STK11: variants seen among roughly 807,000 people sequenced by gnomAD.
The protein encoded by STK11 is serine/threonine-protein kinase STK11.
A neutral mutation model predicts 47.3 loss-of-function variants in STK11; 8 were observed. That is an observed-to-expected ratio of 0.17 (90% CI 0.10 to 0.31). The LOEUF (loss-of-function observed/expected upper bound fraction) is 0.31, where lower values mean the gene tolerates loss of function less well. Ranked by LOEUF, STK11 falls within the 10% of genes least tolerant of loss-of-function variation. STK11 has a pLI of 1.00. For missense variants in STK11, 475 were observed against 605.0 expected (o/e 0.79, Z 2.25); for synonymous variants, 330 against 255.8 (o/e 1.29, Z -2.77).
In STK11 at chr19:1,227,930, G is replaced by T; in HGVS notation, c.*354G>T. 9.3e-7 allele frequency: 1 copy of T among 1,070,202 alleles called. No homozygotes were observed. The highest frequency in any genetic ancestry group is 1.1e-6 in the Non-Finnish European group (1 of 882,252). The allele number at this position is 1,070,202 out of a possible 1,614,324, so 66.3% of individuals were successfully genotyped here. ...CTCCGCAGGGCGCCCAGCGCCGTCC[G>T]GCGGCCCCGCCGCAGACCAGCTGGC... On this transcript the variant is annotated 3_prime_UTR_variant, in exon 10 of 10. Coordinates refer to ENST00000326873, the MANE Select transcript of STK11 (RefSeq NM_000455.5).
At chr19:1,223,271 C>G in intron 8 of STK11, 99 bp downstream of exon 8, 1 of 1,379,274 alleles carries the variant, frequency 7.3e-7, no homozygotes, top group Non-Finnish European at 9.9e-7. Flanking sequence ...CAGCTTCTGC[C>G]CTCTGGTGGC....
At chr19:1,211,468 G>T (rs1215302235) in intron 1 of STK11, among the ~76,000 whole-genome samples, 2 of 152,122 alleles carry the variant, frequency 1.3e-5, no homozygotes, top group South Asian at 2.1e-4. Flanking sequence ...TCTGGGGGGG[G>T]GGGTGCAGGC....
chr19:1,220,224 C>T lies in STK11; in HGVS notation c.465-149C>T. ...GGCGCAGGTGTGGCTCCCTGCTGGA[C>T]CTAGCCTTTCCTCTGTCCTGTGTGC... On this transcript the variant is annotated intron_variant, in intron 3 of 9. Transcript: ENST00000326873. 9.1e-6 allele frequency: 10 copies of T among 1,102,076 alleles called. 1 individual carries two copies. The South Asian group carries it at 1.6e-4, about 18-fold the overall frequency. 68.3% of individuals were successfully genotyped at this position (1,102,076 alleles called of 1,614,324 possible). A position where few individuals can be genotyped will look rare whatever the true frequency, so the allele number is the denominator to read the frequency against.
At chr19:1,214,449 C>T (rs376023713) in intron 1 of STK11, among the ~76,000 whole-genome samples, 1 of 152,210 alleles carries the variant, frequency 6.6e-6, no homozygotes, top group South Asian at 2.1e-4. Context: ...GAAGTGTCCC[C>T]GTTGAGGTGG....
chr19:1,221,695 G>C (rs1461689371), intron 6 of STK11: 3 of 594,676 alleles, frequency 5.0e-6, no homozygotes, highest in Non-Finnish European at 8.9e-6. Flanking sequence ...CATCTGCCCA[G>C]TGGCCTTGGG....
intron 5 of STK11, among the ~76,000 whole-genome samples, chr19:1,220,946 G>A (rs189540401): frequency 2.0e-5 from 3 of 152,312 alleles, no homozygotes; most frequent in African/African-American, 7.2e-5. Context: ...AGAGTGGCAC[G>A]GCCGACCCTC....
At chr19:1,221,544 T>A in intron 6 of STK11, 3 of 802,176 alleles carry the variant, frequency 3.7e-6, no homozygotes, top group Non-Finnish European at 5.7e-6. Flanking sequence ...CTGTTCACCC[T>A]CCGAACTCCC....
intron 2 of STK11, 143 bp downstream of exon 2, chr19:1,218,643 A>G (rs2080760248): frequency 1.3e-6 from 1 of 761,096 alleles, no homozygotes; most frequent in Non-Finnish European, 2.3e-6. Context: ...GGTTCCCCGG[A>G]AGTCAGCCAT....
intron 8 of STK11, chr19:1,224,972 A>C: frequency 1.0e-6 from 1 of 985,552 alleles, no homozygotes; most frequent in Non-Finnish European, 1.2e-6. Context: ...GGGTCAGGCC[A>C]TCCTCTGCGC....
chr19:1,225,353 A>C, intron 8 of STK11: 1 of 917,832 alleles, frequency 1.1e-6, no homozygotes, highest in Non-Finnish European at 1.3e-6. Context: ...GCTCACTGCA[A>C]CCTCCACCTC....
intron 5 of STK11, 107 bp downstream of exon 5, chr19:1,220,824 A>C (rs1030218748): frequency 6.8e-7 from 1 of 1,475,850 alleles, no homozygotes; most frequent in African/African-American, 1.4e-5. Context: ...ACCGGCCCAG[A>C]CCCTCTCTGG....
At position 1,227,677 on chromosome 19, in the gene STK11, G is replaced by A. The variant is rs2080835862; in HGVS notation, c.*101G>A. ...CGCCCGCCCTCCCGGAGAGGTGGCC[G>A]CCATGCTTCTGTGCCGACCACGCCC... On this transcript the variant is annotated 3_prime_UTR_variant, in exon 10 of 10. Transcript: ENST00000326873. The A allele has an allele frequency of 9.4e-7, 1 of 1,069,138 alleles. No individual in the cohort carries two copies. Among genetic ancestry groups the A allele is most frequent in the Non-Finnish European group, 1.1e-6 (1 of 881,632 alleles). The allele number at this position is 1,069,138 out of a possible 1,614,324, so 66.2% of individuals were successfully genotyped here.
rs886054222 is a variant in STK11 at position 1,227,948 on chromosome 19, C to T, written c.*372C>T. The T allele has an allele frequency of 1.9e-6, 2 of 1,070,386 alleles. No homozygotes were observed. Among genetic ancestry groups the T allele is most frequent in the Non-Finnish European group, 2.3e-6 (2 of 882,456 alleles). The allele number at this position is 1,070,386 out of a possible 1,614,324, so 66.3% of individuals were successfully genotyped here. On this transcript the variant is annotated 3_prime_UTR_variant, in exon 10 of 10. Transcript: ENST00000326873. ...GCCGTCCGGCGGCCCCGCCGCAGAC[C>T]AGCTGGCGGGTGTGGAGACCAGGCT...
At position 1,225,537 on chromosome 19, in the gene STK11, G is replaced by T. The variant is rs60862074; in HGVS notation, c.1109-917G>T. ...GCCCACCTCGGCCTCCCAAAGTGCT[G>T]GGATTACAAGCGTGAGCCACCGCGA... is the stretch of plus-strand genomic sequence containing the variant. On this transcript the variant is annotated intron_variant, in intron 8 of 9. Transcript: ENST00000326873. The T allele has an allele frequency of 1.1e-4, 113 of 985,382 alleles. 2 individuals carry two copies. The East Asian group carries it at 4.4e-3, about 39-fold the overall frequency. The allele number at this position is 985,382 out of a possible 1,614,324, so 61.0% of individuals were successfully genotyped here.
chr19:1,223,265 T>A, intron 8 of STK11, 93 bp downstream of exon 8: 1 of 1,430,356 alleles, frequency 7.0e-7, no homozygotes, highest in Non-Finnish European at 9.5e-7. Context: ...CAAGGACAGC[T>A]TCTGCCCTCT....
chr19:1,219,922 T>C, intron 3 of STK11: 1 of 192,510 alleles, frequency 5.2e-6, no homozygotes, highest in South Asian at 1.1e-4. Flanking sequence ...GCTGCCAACC[T>C]CCCGCCTCCA....
chr19:1,220,776 C>G (rs1038106133), intron 5 of STK11, 59 bp downstream of exon 5: 1 of 1,544,564 alleles, frequency 6.5e-7, no homozygotes, highest in Admixed American at 1.9e-5. Flanking sequence ...GCCTCTGCGT[C>G]TTGGGCAGCT....
intron 3 of STK11, 139 bp downstream of exon 3, chr19:1,219,552 G>GTTTTTTT: frequency 2.4e-6 from 2 of 842,306 alleles, no homozygotes; most frequent in African/African-American, 1.9e-5. Flanking sequence ...TTGTTTTTTT[G>GTTTTTTT]TGTTTTTTTT....
intron 1 of STK11, among the ~76,000 whole-genome samples, chr19:1,214,741 T>C (rs1015520477): frequency 1.3e-5 from 2 of 152,162 alleles, no homozygotes; most frequent in African/African-American, 4.8e-5. Flanking sequence ...GGGTGGTCCC[T>C]GCACAGGCAG....
Sources: gnomAD v4.1 joint callset for allele counts (sites outside exome capture counted in the v4.1 genomes callset) on GRCh38, gnomAD v4.1.1 for gene constraint, MANE v1.5 for transcripts, NCBI Gene and HGNC (gene_info 2026-07-23, HGNC 2026-07-21) for gene names.